Variants in FAM124B observed in about 807,000 individuals in gnomAD.
FAM124B encodes the protein family with sequence similarity 124 member B.
In FAM124B, 18 loss-of-function variants were observed where a neutral mutation model predicts 19.7. That is an observed-to-expected ratio of 0.92 (90% confidence interval 0.63 to 1.36). FAM124B has a LOEUF of 1.36. Among genes scored for constraint, FAM124B ranks in the 40% most tolerant of loss-of-function variants. FAM124B has a pLI of 0.00. For synonymous variants in FAM124B, 223 were observed against 225.2 expected (o/e 0.99, Z 0.09); for missense variants, 540 against 553.3 (o/e 0.98, Z 0.24).
At chr2:224,399,871 T>C (rs1690033898) in intron 1 of FAM124B, 1 of 152,232 alleles carries the variant, frequency 6.6e-6, no homozygotes, top group Non-Finnish European at 1.5e-5. Context: ...TGTCAGGTCA[T>C]TTCCTGTAAG....
intron 1 of FAM124B, among the ~76,000 whole-genome samples, chr2:224,385,620 T>A (rs1689790884): frequency 6.6e-6 from 1 of 152,186 alleles, no homozygotes; most frequent in South Asian, 2.1e-4. Context: ...CCTATCCAAC[T>A]GCCTTCTAGC....
At chr2:224,380,347 T>C (rs1237385030) in intron 1 of FAM124B, 139 bp from the exon 2 acceptor site, 4 of 719,632 alleles carry the variant, frequency 5.6e-6, no homozygotes, top group Non-Finnish European at 9.0e-6. Flanking sequence ...TGAATAGAAG[T>C]GATAAGTACA....
intron 1 of FAM124B, among the ~76,000 whole-genome samples, chr2:224,395,344 T>C (rs962541792): frequency 3.3e-5 from 5 of 152,198 alleles, no homozygotes; most frequent in Non-Finnish European, 5.9e-5. Flanking sequence ...AGTAGTTGAC[T>C]AGAGATACTG....
At chr2:224,390,264 C>T (rs898771434) in intron 1 of FAM124B, among the ~76,000 whole-genome samples, 12 of 151,792 alleles carry the variant, frequency 7.9e-5, no homozygotes, top group Non-Finnish European at 1.8e-4. Flanking sequence ...CCACGTGTAC[C>T]AATGCTGCTG....
chr2:224,400,255 T>C (rs1690041960), intron 1 of FAM124B: 4 of 462,518 alleles, frequency 8.6e-6, no homozygotes, highest in South Asian at 4.3e-5. Flanking sequence ...ACTTAAAGTA[T>C]AATAATAAAG....
chr2:224,381,528 G>T (rs113283152), intron 1 of FAM124B, among the ~76,000 whole-genome samples: 4,327 of 152,136 alleles, frequency 0.028, 215 homozygotes, highest in African/African-American at 0.097. Flanking sequence ...CCAGGGGTTG[G>T]GGGGAGGGAG....
intron 1 of FAM124B, among the ~76,000 whole-genome samples, chr2:224,388,285 G>A (rs1281643103): frequency 6.6e-6 from 1 of 152,150 alleles, no homozygotes; most frequent in African/African-American, 2.4e-5. Context: ...TTTGATCAGA[G>A]CCTTAAAATT....
At chr2:224,397,512 G>A (rs1689993473) in intron 1 of FAM124B, among the ~76,000 whole-genome samples, 1 of 152,214 alleles carries the variant, frequency 6.6e-6, no homozygotes, top group African/African-American at 2.4e-5. Context: ...AGCGACTTTG[G>A]AACTGGGTAA....
intron 1 of FAM124B, among the ~76,000 whole-genome samples, chr2:224,386,358 G>A (rs1292315515): frequency 6.6e-6 from 1 of 152,094 alleles, no homozygotes; most frequent in Non-Finnish European, 1.5e-5. Context: ...CATTGAGAAG[G>A]AAGCCTTCTC....
chr2:224,396,664 G>A (rs1287502726), intron 1 of FAM124B, among the ~76,000 whole-genome samples: 2 of 152,200 alleles, frequency 1.3e-5, no homozygotes, highest in Non-Finnish European at 2.9e-5. Flanking sequence ...GCATCTAGGG[G>A]TAGAAGCCAG....
Position 224,379,470 on chromosome 2 carries a change from G to GC in FAM124B, c.*102dup, listed in dbSNP as rs1481742037. 21 of 1,388,554 alleles carry GC rather than the reference G, an allele frequency of 1.5e-5. No homozygotes were observed. Among genetic ancestry groups the GC allele is most frequent in the East Asian group, 2.5e-5 (1 of 39,768 alleles). 86.0% of individuals were successfully genotyped at this position (1,388,554 alleles called of 1,614,324 possible). On this transcript the variant is annotated 3_prime_UTR_variant, in exon 2 of 2. Transcript: ENST00000409685. Reference sequence around the variant, plus strand: ...ACAGATTGTGCATGGGGAGCATTCAGCCCCCCTCAGATGAACAACTAACAG... The same window carrying GC: ...ACAGATTGTGCATGGGGAGCATTCAGCCCCCCCTCAGATGAACAACTAACAG...
chr2:224,392,403 C>T (rs570559053), intron 1 of FAM124B, among the ~76,000 whole-genome samples: 1 of 152,168 alleles, frequency 6.6e-6, no homozygotes, highest in Admixed American at 6.5e-5. Flanking sequence ...ATGATCATGC[C>T]ACTAATGCTC....
At chr2:224,398,452 C>T (rs141842121) in intron 1 of FAM124B, among the ~76,000 whole-genome samples, 2 of 152,292 alleles carry the variant, frequency 1.3e-5, no homozygotes, top group African/African-American at 4.8e-5. Flanking sequence ...TATCTAGGAG[C>T]TACAATGTGT....
chr2:224,398,222 C>T (rs184973677), intron 1 of FAM124B, among the ~76,000 whole-genome samples: 2 of 152,242 alleles, frequency 1.3e-5, no homozygotes, highest in East Asian at 1.9e-4. Context: ...TTCAGCCTCC[C>T]GAGTAGCTGG....
rs755740920 is a variant in FAM124B, at chr2:224,401,864, G to A, written c.-96C>T. 1.8e-5 allele frequency: 26 copies of A among 1,430,348 alleles called. No individual in the cohort carries two copies. The highest frequency in any genetic ancestry group is 2.9e-5 in the African/African-American group (2 of 69,956). The allele number at this position is 1,430,348 out of a possible 1,614,324, so 88.6% of individuals were successfully genotyped here. A position where few individuals can be genotyped will look rare whatever the true frequency, so the allele number is the denominator to read the frequency against. On this transcript the variant is annotated 5_prime_UTR_variant, in exon 1 of 2. Transcript: ENST00000409685. ...GAAGAAGCGGCCCAGCCTTCAGCCC[G>A]CCTGAAAACCTTCAGCTGCAGCGGC...
chr2:224,384,394 A>G (rs570073333), intron 1 of FAM124B, among the ~76,000 whole-genome samples: 1 of 152,120 alleles, frequency 6.6e-6, no homozygotes, highest in Admixed American at 6.6e-5. Flanking sequence ...TTCTTCACCA[A>G]TACCTCCAAC....
At chr2:224,390,829 T>A (rs1689875183) in intron 1 of FAM124B, among the ~76,000 whole-genome samples, 1 of 150,980 alleles carries the variant, frequency 6.6e-6, no homozygotes, top group Admixed American at 6.6e-5. Flanking sequence ...GCCTCCCGAG[T>A]AGCTGGGACT....
intron 1 of FAM124B, among the ~76,000 whole-genome samples, chr2:224,388,525 T>G (rs1457887082): frequency 6.7e-6 from 1 of 148,884 alleles, no homozygotes; most frequent in Non-Finnish European, 1.5e-5. Flanking sequence ...ATAGGCAAAC[T>G]CATAGAGACA....
At chr2:224,396,125 C>A (rs546767544) in intron 1 of FAM124B, among the ~76,000 whole-genome samples, 7 of 152,240 alleles carry the variant, frequency 4.6e-5, no homozygotes, top group South Asian at 2.1e-4. Flanking sequence ...CCCAAAAAGT[C>A]CCCCCGCTCT....
Sources: gnomAD v4.1 joint callset for allele counts (sites outside exome capture counted in the v4.1 genomes callset) on GRCh38, gnomAD v4.1.1 for gene constraint, MANE v1.5 for transcripts, NCBI Gene and HGNC (gene_info 2026-07-23, HGNC 2026-07-21) for gene names.